TYW1B: variants seen among roughly 807,000 people sequenced by gnomAD.
TYW1B encodes S-adenosyl-L-methionine-dependent tRNA 4-demethylwyosine synthase TYW1B.
Under a neutral mutation model 86.9 loss-of-function variants are expected in TYW1B, and 73 were observed. That is an observed-to-expected ratio of 0.84 (90% CI 0.70 to 1.02). The LOEUF is 1.02. Ranked by LOEUF, TYW1B falls within the 50% of genes least tolerant of loss-of-function variation. TYW1B has a pLI of 0.00. For missense variants in TYW1B, 637 were observed against 827.4 expected (o/e 0.77, Z 2.82); for synonymous variants, 248 against 292.8 (o/e 0.85, Z 1.56).
chr7:72,660,513 T>C (rs533621680), intron 11 of TYW1B, among the ~76,000 whole-genome samples: 1 of 152,330 alleles, frequency 6.6e-6, no homozygotes, highest in South Asian at 2.1e-4. Context: ...GTCTCTACCA[T>C]TTCTGTTGAG....
intron 11 of TYW1B, among the ~76,000 whole-genome samples, chr7:72,635,027 GT>G (rs1812633354): frequency 6.6e-6 from 1 of 151,764 alleles, no homozygotes; most frequent in Admixed American, 6.6e-5. Context: ...TCATATTAGT[GT>G]TTCTTATGTC....
Position 72,826,945 on chromosome 7 carries a change from T to G in TYW1B, c.45A>C (p.Ile15=). The G allele has an allele frequency of 2.5e-6, 4 of 1,613,744 alleles. No individual in the cohort carries two copies. The highest frequency in any genetic ancestry group is 2.5e-6 in the Non-Finnish European group (3 of 1,179,886). ...ADTWDLSSPL[I]SLWINRFYIY... ...TGTAAAACCTGTTTATCCATAATGATATTAAAGGTGAGGAGAGGTCCCATG... is the reference window on the plus strand; with the variant it reads ...TGTAAAACCTGTTTATCCATAATGAGATTAAAGGTGAGGAGAGGTCCCATG... The change falls in exon 2 of 14, where the codon ATA becomes ATC. Residue 15 remains isoleucine, a synonymous_variant. Coordinates refer to ENST00000620995, the MANE Select transcript of TYW1B (RefSeq NM_001145440.3).
intron 7 of TYW1B, among the ~76,000 whole-genome samples, chr7:72,771,859 T>C (rs1787874452): frequency 1.3e-5 from 2 of 152,020 alleles, no homozygotes; most frequent in African/African-American, 2.4e-5. Flanking sequence ...ATTTTTTTTT[T>C]TTTTTTAAAG....
At chr7:72,757,165 C>T (rs1486462489) in intron 7 of TYW1B, among the ~76,000 whole-genome samples, 2 of 151,916 alleles carry the variant, frequency 1.3e-5, no homozygotes, top group Non-Finnish European at 2.9e-5. Context: ...GTCAGGAGTT[C>T]GAGACCAGCC....
chr7:72,581,523 T>C (rs1174474302), intron 13 of TYW1B, among the ~76,000 whole-genome samples: 1 of 152,006 alleles, frequency 6.6e-6, no homozygotes, highest in Non-Finnish European at 1.5e-5. Flanking sequence ...AGTGGCGCAA[T>C]CTCGGCTTCA....
intron 13 of TYW1B, among the ~76,000 whole-genome samples, chr7:72,592,331 T>C (rs1811416498): frequency 6.6e-6 from 1 of 152,180 alleles, no homozygotes; most frequent in Admixed American, 6.5e-5. Context: ...AAATTAAAAT[T>C]AGAGTATTAA....
intron 10 of TYW1B, among the ~76,000 whole-genome samples, chr7:72,703,026 A>ATAT (rs1563064838): frequency 2.8e-5 from 1 of 35,206 alleles, no homozygotes; most frequent in East Asian, 7.2e-4. Context: ...ATATATATAT[A>ATAT]TTTTTTTTTT....
rs1554476857 is a variant in TYW1B at position 72,807,084 on chromosome 7, C to T, written c.705G>A (p.Leu235=). The change falls in exon 5 of 14, where the codon TTG becomes TTA. Residue 235 remains leucine, a synonymous_variant. Transcript: ENST00000620995. ...GGTATACCTTGGTGTCTCTGTGATG[C>T]AATTCGTCCTGCTCTTGAGATCCTT... The part of the protein sequence containing the change: ...REEGSQEQDE[L]HHRDTKEEEP... 1 of 1,614,012 alleles carries T rather than the reference C, an allele frequency of 6.2e-7. No individual in the cohort carries two copies. Among genetic ancestry groups the T allele is most frequent in the East Asian group, 2.2e-5 (1 of 44,878 alleles).
intron 9 of TYW1B, among the ~76,000 whole-genome samples, chr7:72,723,365 C>A (rs1240491735): frequency 6.6e-6 from 1 of 152,104 alleles, no homozygotes; most frequent in East Asian, 1.9e-4. Context: ...AAGGAAATGC[C>A]TTCAAGCCTT....
intron 13 of TYW1B, among the ~76,000 whole-genome samples, chr7:72,584,907 G>A (rs1811241093): frequency 6.6e-6 from 1 of 152,156 alleles, no homozygotes; most frequent in African/African-American, 2.4e-5. Context: ...AGCTTTTTAT[G>A]CAGACCTCTA....
chr7:72,592,086 GT>G (rs1436783576), intron 13 of TYW1B, among the ~76,000 whole-genome samples: 9 of 147,110 alleles, frequency 6.1e-5, no homozygotes, highest in Non-Finnish European at 1.0e-4. Context: ...GCCTCCCAAA[GT>G]GCTGGGATTA....
At chr7:72,634,683 G>A (rs1375921100) in intron 11 of TYW1B, among the ~76,000 whole-genome samples, 5 of 152,064 alleles carry the variant, frequency 3.3e-5, no homozygotes, top group Non-Finnish European at 7.4e-5. Context: ...AACACTTAGT[G>A]TTGCTAGTTT....
chr7:72,728,944 C>T lies in TYW1B; in HGVS notation c.1083-13G>A, dbSNP rs564523772. ...GTTGTTGTGGTGCCTAGGAACAAGA[C>T]GCAAAGTTCTAAAAGACCCTTCTGT... On this transcript the variant is annotated splice_polypyrimidine_tract_variant and intron_variant, in intron 8 of 13. Coordinates refer to ENST00000620995, the MANE Select transcript of TYW1B (RefSeq NM_001145440.3). 2.1e-5 allele frequency: 34 copies of T among 1,611,076 alleles called. No homozygotes were observed. Among genetic ancestry groups the T allele is most frequent in the Admixed American group, 1.0e-4 (6 of 59,808 alleles).
At chr7:72,577,150 C>T (rs187377480) in intron 13 of TYW1B, among the ~76,000 whole-genome samples, 8 of 149,890 alleles carry the variant, frequency 5.3e-5, no homozygotes, top group African/African-American at 7.3e-5. Flanking sequence ...AAGAAAACTC[C>T]GACTAACTAA....
At chr7:72,688,429 A>G (rs1386077481) in intron 11 of TYW1B, among the ~76,000 whole-genome samples, 1 of 152,164 alleles carries the variant, frequency 6.6e-6, no homozygotes, top group Admixed American at 6.6e-5. Context: ...TCTTTTTGAC[A>G]TAGTAATTAA....
At chr7:72,679,262 C>A (rs1481212686) in intron 11 of TYW1B, among the ~76,000 whole-genome samples, 1 of 152,164 alleles carries the variant, frequency 6.6e-6, no homozygotes, top group Non-Finnish European at 1.5e-5. Context: ...ATCCTATGAT[C>A]CAGCAACTTC....
chr7:72,743,753 A>C (rs1787345469), intron 8 of TYW1B, among the ~76,000 whole-genome samples: 1 of 151,690 alleles, frequency 6.6e-6, no homozygotes, highest in Non-Finnish European at 1.5e-5. Context: ...CTGAGGCAGG[A>C]GAATCACTTG....
chr7:72,666,546 T>C (rs1813466637), intron 11 of TYW1B, among the ~76,000 whole-genome samples: 2 of 152,120 alleles, frequency 1.3e-5, no homozygotes, highest in South Asian at 4.2e-4. Context: ...CCATAGGAAA[T>C]ATATACCCAA....
intron 12 of TYW1B, among the ~76,000 whole-genome samples, chr7:72,618,303 G>C (rs184529228): frequency 7.5e-6 from 1 of 133,582 alleles, no homozygotes; most frequent in Non-Finnish European, 1.5e-5. Flanking sequence ...TGCAGCCTCC[G>C]CCTCCTGGGT....
Sources: gnomAD v4.1 joint callset for allele counts (sites outside exome capture counted in the v4.1 genomes callset) on GRCh38, gnomAD v4.1.1 for gene constraint, MANE v1.5 for transcripts, NCBI Gene and HGNC (gene_info 2026-07-23, HGNC 2026-07-21) for gene names.